MRO: variants seen among roughly 807,000 people sequenced by gnomAD.
MRO encodes the protein protein maestro.
In MRO, 28 loss-of-function variants were observed where a neutral mutation model predicts 31.0. The observed-to-expected ratio is 0.90, with a 90% CI of 0.67 to 1.24. MRO has a LOEUF of 1.24. MRO is among the 50% of genes most tolerant of loss of function. MRO has a pLI of 0.00. For synonymous variants in MRO, 108 were observed against 108.4 expected (o/e 1.00, Z 0.02); for missense variants, 332 against 289.2 (o/e 1.15, Z -1.07).
rs576972002 is a variant in MRO, at chr18:50,811,869, G to A, written c.-4-2465C>T. On this transcript the variant is annotated intron_variant, in intron 2 of 7. Transcript: ENST00000398439. ...GGATTCTCTTGCCTCAGCCTCCTGA[G>A]TTGCTGGGATTACAGGCGTACGCCA... Among the ~76,000 whole-genome samples the A allele has an allele frequency of 3.4e-5, 5 of 148,968 alleles. No homozygotes were observed. The East Asian group carries it at 1.0e-3, about 30-fold the overall frequency.
In MRO at chr18:50,805,334, C is replaced by A. The variant is rs758826956; in HGVS notation, c.249G>T (p.Val83=). ...CGAGGACAATTTTCTTATACTTTCT[C>A]ACCTGTCACCAAGGTTTGAAAAGCA... ...GTMAYEAPDK[V]RKYKKIVLDL... is the part of the protein sequence containing the mutation. The change falls in exon 5 of 8, where the codon GTG becomes GTT. Residue 83 remains valine (V), a splice_region_variant and synonymous_variant. Transcript: ENST00000398439. 1.9e-6 allele frequency: 3 copies of A among 1,613,212 alleles called. No homozygotes were observed. The highest frequency in any genetic ancestry group is 1.7e-6 in the Non-Finnish European group (2 of 1,179,534).
chr18:50,822,312 G>T (rs1458060815), upstream of MRO, among the ~76,000 whole-genome samples: 1 of 152,128 alleles, frequency 6.6e-6, no homozygotes, highest in African/African-American at 2.4e-5. Context: ...ATTACAATGT[G>T]TAATCAGGAA....
At chr18:50,800,747 G>T (rs368411232) in intron 6 of MRO, among the ~76,000 whole-genome samples, 2 of 151,866 alleles carry the variant, frequency 1.3e-5, no homozygotes, top group Non-Finnish European at 1.5e-5. Flanking sequence ...TTAGCAGGGC[G>T]TGGTGGTGGG....
chr18:50,819,074 A>T (rs1915161492), intron 2 of MRO, among the ~76,000 whole-genome samples: 1 of 152,004 alleles, frequency 6.6e-6, no homozygotes, highest in Non-Finnish European at 1.5e-5. Context: ...AAAAAAAATT[A>T]ATATTAAAAA....
chr18:50,796,181 G>A lies in MRO; in HGVS notation c.*3156C>T, dbSNP rs944656045. The A allele has an allele frequency of 6.6e-6, 1 of 152,104 alleles. No homozygotes were observed. The highest frequency in any genetic ancestry group is 1.5e-5 in the Non-Finnish European group (1 of 68,008). The allele number at this position is 152,104 out of a possible 1,614,324, so 9.4% of individuals were successfully genotyped here. On this transcript the variant is annotated 3_prime_UTR_variant, in exon 8 of 8. Transcript: ENST00000398439. The stretch of plus-strand genomic sequence containing the variant: ...GGAAGGGGAAACTTGAAATGCACAA[G>A]CATAAAAGTAACCTGTACATTGGTT...
intron 5 of MRO, among the ~76,000 whole-genome samples, chr18:50,804,446 T>A (rs997725602): frequency 2.0e-5 from 3 of 152,078 alleles, no homozygotes; most frequent in Non-Finnish European, 4.4e-5. Context: ...GGCAATATAG[T>A]GAAAACCCAT....
intron 5 of MRO, among the ~76,000 whole-genome samples, chr18:50,802,679 T>C (rs187165822): frequency 1.6e-4 from 25 of 152,220 alleles, no homozygotes; most frequent in Admixed American, 3.3e-4. Flanking sequence ...ATTTAGCACA[T>C]GATGCATACA....
chr18:50,804,574 C>T (rs543439226), intron 5 of MRO, among the ~76,000 whole-genome samples: 17 of 149,374 alleles, frequency 1.1e-4, no homozygotes, highest in Admixed American at 4.0e-4. Flanking sequence ...TGCAGTGAGC[C>T]GAGATCACAC....
intron 2 of MRO, chr18:50,814,747 G>C (rs1315853781): frequency 2.6e-5 from 4 of 156,156 alleles, no homozygotes; most frequent in African/African-American, 4.8e-5. Context: ...CCTTTGAAAA[G>C]AGTGACAAGA....
chr18:50,801,639 C>T (rs544073371), intron 5 of MRO, 135 bp from the exon 6 acceptor site: 3 of 837,384 alleles, frequency 3.6e-6, no homozygotes, highest in South Asian at 2.2e-5. Context: ...TCGATCTTGA[C>T]TGTACATTAC....
upstream of MRO, among the ~76,000 whole-genome samples, chr18:50,821,219 G>A (rs1485639243): frequency 6.6e-6 from 1 of 152,186 alleles, no homozygotes; most frequent in African/African-American, 2.4e-5. Flanking sequence ...CTAATATGTG[G>A]CTGGTGCCAA....
intron 2 of MRO, among the ~76,000 whole-genome samples, chr18:50,813,094 ACT>A (rs1486208723): frequency 6.6e-6 from 1 of 151,960 alleles, no homozygotes; most frequent in Non-Finnish European, 1.5e-5. Flanking sequence ...GGAACATTTG[ACT>A]CACTTGATCT....
chr18:50,803,475 C>A (rs569323001), intron 5 of MRO, among the ~76,000 whole-genome samples: 2 of 151,994 alleles, frequency 1.3e-5, no homozygotes, highest in South Asian at 4.2e-4. Flanking sequence ...CCACTGTACT[C>A]CAGCCTGGGC....
chr18:50,803,390 C>A (rs536014904), intron 5 of MRO, among the ~76,000 whole-genome samples: 1 of 152,032 alleles, frequency 6.6e-6, no homozygotes, highest in East Asian at 1.9e-4. Flanking sequence ...ACTTGTGGTC[C>A]CAGCCACTCA....
intron 6 of MRO, among the ~76,000 whole-genome samples, chr18:50,800,588 A>G (rs1334469466): frequency 2.0e-5 from 3 of 152,220 alleles, no homozygotes; most frequent in Non-Finnish European, 4.4e-5. Context: ...GAAGAAATTA[A>G]TAAGTCATGG....
chr18:50,800,945 A>T (rs1349247002), intron 6 of MRO, among the ~76,000 whole-genome samples: 3 of 151,928 alleles, frequency 2.0e-5, no homozygotes, highest in Non-Finnish European at 4.4e-5. Flanking sequence ...GAAGGAAGGA[A>T]GGAAAGAAAA....
upstream of MRO, among the ~76,000 whole-genome samples, chr18:50,824,691 T>G (rs1185580527): frequency 6.7e-6 from 1 of 149,466 alleles, no homozygotes; most frequent in African/African-American, 2.5e-5. Flanking sequence ...CCTGACCTTG[T>G]GATCCGCCCA....
chr18:50,801,544 A>G (rs375363154), intron 5 of MRO, 40 bp from the exon 6 acceptor site: 22 of 1,552,330 alleles, frequency 1.4e-5, no homozygotes, highest in African/African-American at 9.6e-5. Context: ...AAGCCAGATC[A>G]TTACCAAAAG....
rs1414296465 is a variant in MRO, at chr18:50,805,298, C to A, written c.285G>T (p.Val95=). 6.2e-7 allele frequency: 1 copy of A among 1,613,906 alleles called. No homozygotes were observed. The highest frequency in any genetic ancestry group is 1.3e-5 in the African/African-American group (1 of 74,914). Reference sequence around the variant, plus strand: ...AATTCACAGGGTCATACAGTCCATACACCAGCAGGTCGAGGACAATTTTCT... The same window carrying A: ...AATTCACAGGGTCATACAGTCCATAAACCAGCAGGTCGAGGACAATTTTCT... ...KYKKIVLDLL[V]YGLYDPVNLE... is the part of the protein sequence containing the mutation. The change falls in exon 5 of 8, where the codon GTG becomes GTT. Residue 95 remains valine, a synonymous_variant. Coordinates refer to ENST00000398439, the MANE Select transcript of MRO (RefSeq NM_031939.6).
Sources: gnomAD v4.1 joint callset for allele counts (sites outside exome capture counted in the v4.1 genomes callset) on GRCh38, gnomAD v4.1.1 for gene constraint, MANE v1.5 for transcripts, NCBI Gene and HGNC (gene_info 2026-07-23, HGNC 2026-07-21) for gene names.